FBXL4: variants seen among roughly 807,000 people sequenced by gnomAD.
FBXL4 encodes F-box and leucine rich repeat protein 4.
In FBXL4, 40 loss-of-function variants were observed where a neutral mutation model predicts 58.9. The ratio of observed to expected loss-of-function variants is 0.68; its 90% CI spans 0.53 to 0.88. FBXL4 has a LOEUF of 0.88. FBXL4 is among the 40% of genes least tolerant of loss of function. The probability of loss-of-function intolerance (pLI) is 0.00; values close to 1 mark genes in which losing one functional copy is unlikely to be tolerated. For synonymous variants in FBXL4, 263 were observed against 265.5 expected, an observed-to-expected ratio of 0.99 and a Z score of 0.09; for missense variants, 676 against 734.4, an observed-to-expected ratio of 0.92 and a Z score of 0.92.
At chr6:98,890,007 A>C (rs1287032139) in intron 7 of FBXL4, among the ~76,000 whole-genome samples, 1 of 152,182 alleles carries the variant, frequency 6.6e-6, no homozygotes, top group Non-Finnish European at 1.5e-5. Flanking sequence ...GATAGTCCAG[A>C]TTTATAGCTT....
chr6:98,913,283 C>A (rs559104736), intron 5 of FBXL4, among the ~76,000 whole-genome samples: 1 of 151,896 alleles, frequency 6.6e-6, no homozygotes, highest in African/African-American at 2.4e-5. Context: ...AGAAAGTTAA[C>A]AAGGATACCC....
At chr6:98,877,302 G>A (rs1250599341) in intron 8 of FBXL4, among the ~76,000 whole-genome samples, 15 of 152,000 alleles carry the variant, frequency 9.9e-5, no homozygotes, top group Admixed American at 9.8e-4. Context: ...GATAATTAGG[G>A]CAGCCAATTA....
At chr6:98,908,575 C>T (rs1185096936) in intron 5 of FBXL4, among the ~76,000 whole-genome samples, 1 of 152,018 alleles carries the variant, frequency 6.6e-6, no homozygotes, top group Non-Finnish European at 1.5e-5. Context: ...TGGAGAATTG[C>T]CATTCACAAT....
intron 2 of FBXL4, among the ~76,000 whole-genome samples, chr6:98,931,778 G>C (rs1041146842): frequency 2.0e-5 from 3 of 152,206 alleles, no homozygotes; most frequent in Admixed American, 6.5e-5. Flanking sequence ...AGAACATATG[G>C]AGAAGAAAGG....
In FBXL4 at chr6:98,917,474, T is replaced by A; in HGVS notation, c.758A>T (p.Glu253Val). The A allele has an allele frequency of 6.2e-7, 1 of 1,614,100 alleles. No homozygotes were observed. The highest frequency in any genetic ancestry group is 1.7e-5 in the Admixed American group (1 of 60,014). The change falls in exon 5 of 10, where the codon GAA (glutamate) becomes GTA (valine). Residue 253 changes from glutamate to valine, a missense_variant. Coordinates refer to ENST00000369244, the MANE Select transcript of FBXL4 (RefSeq NM_001278716.2). ...MNDIEDDAYA[E>V]KDGCGMDSLN... ...ACTGTCCATTCCACAACCATCCTTT[T>A]CTGCATAGGCATCATCTTCTATATC...
intron 4 of FBXL4, among the ~76,000 whole-genome samples, chr6:98,917,994 GAAC>G (rs899583387): frequency 6.6e-6 from 1 of 152,084 alleles, no homozygotes; most frequent in Non-Finnish European, 1.5e-5. Context: ...AGAGGTATCT[GAAC>G]AACATTACAG....
intron 5 of FBXL4, among the ~76,000 whole-genome samples, chr6:98,908,329 A>G (rs1469839410): frequency 6.6e-6 from 1 of 152,190 alleles, no homozygotes; most frequent in Non-Finnish European, 1.5e-5. Context: ...TTTCTCATTT[A>G]ATGATATATC....
At chr6:98,919,661 T>C (rs1772503325) in intron 4 of FBXL4, among the ~76,000 whole-genome samples, 1 of 152,190 alleles carries the variant, frequency 6.6e-6, no homozygotes, top group South Asian at 2.1e-4. Context: ...AGGAATTGAT[T>C]TGAATACTCT....
chr6:98,929,403 C>T (rs1275484715), intron 2 of FBXL4, among the ~76,000 whole-genome samples: 2 of 151,844 alleles, frequency 1.3e-5, no homozygotes, highest in African/African-American at 4.8e-5. Flanking sequence ...GAAACCCCGT[C>T]TCTACTAAAA....
At chr6:98,912,629 G>A (rs138129388) in intron 5 of FBXL4, among the ~76,000 whole-genome samples, 1 of 151,764 alleles carries the variant, frequency 6.6e-6, no homozygotes, top group African/African-American at 2.4e-5. Context: ...CAAATGCTGA[G>A]AGATTTTGTC....
rs1274744599 is a variant in FBXL4 at position 98,885,135 on chromosome 6, C to T, written c.1318-4511G>A. On this transcript the variant is annotated intron_variant, in intron 7 of 9. Transcript: ENST00000369244. Reference sequence around the variant, plus strand: ...TTTGTTTGTTTTTGAGATGGAGTCTCACTCTGTCCCCATGCTTGAGTGTAG... The same window carrying T: ...TTTGTTTGTTTTTGAGATGGAGTCTTACTCTGTCCCCATGCTTGAGTGTAG... 7.9e-5 allele frequency among the ~76,000 whole-genome samples: 12 copies of T among 152,170 alleles called. No homozygotes were observed. In the South Asian group the frequency reaches 2.3e-3, roughly 29 times the overall value.
intron 4 of FBXL4, among the ~76,000 whole-genome samples, chr6:98,921,287 G>A (rs1038823916): frequency 6.6e-6 from 1 of 152,046 alleles, no homozygotes; most frequent in East Asian, 1.9e-4. Context: ...GAGAGGAAGA[G>A]AGATGTTTCA....
At chr6:98,900,420 A>G (rs1166199001) in intron 6 of FBXL4, among the ~76,000 whole-genome samples, 3 of 152,218 alleles carry the variant, frequency 2.0e-5, no homozygotes, top group East Asian at 3.8e-4. Flanking sequence ...ATACACATAC[A>G]AAGTAAAATT....
chr6:98,871,172 C>T lies in FBXL4; in HGVS notation c.*3106G>A, dbSNP rs1215189346. On this transcript the variant is annotated 3_prime_UTR_variant, in exon 10 of 10. Transcript: ENST00000369244. ...CCAAGCAAGGAAAACATTTTACTAA[C>T]GATAACTAAATTGTGTTTGATTCTA... is the stretch of plus-strand genomic sequence containing the variant. 3.3e-5 allele frequency: 5 copies of T among 151,724 alleles called. No homozygotes were observed. The highest frequency in any genetic ancestry group is 9.7e-5 in the African/African-American group (4 of 41,270). 9.4% of individuals were successfully genotyped at this position (151,724 alleles called of 1,614,324 possible).
intron 1 of FBXL4, among the ~76,000 whole-genome samples, chr6:98,938,041 C>CTTTT (rs71015480): frequency 0.057 from 6,913 of 120,780 alleles, 397 homozygotes; most frequent in Non-Finnish European, 0.092. Flanking sequence ...CCCCTGCACC[C>CTTTT]TTTTTTTTTT....
At position 98,926,528 on chromosome 6, in the gene FBXL4, A is replaced by G; in HGVS notation, c.461T>C (p.Ile154Thr). 1 of 1,613,824 alleles carries G rather than the reference A, an allele frequency of 6.2e-7. No homozygotes were observed. Among genetic ancestry groups the G allele is most frequent in the Non-Finnish European group, 8.5e-7 (1 of 1,179,860 alleles). Residue 154 changes from isoleucine to threonine, a missense_variant, in exon 4 of 10, where the codon ATT becomes ACT. By Grantham distance (89) the Ile-to-Thr change is moderately conservative. Transcript: ENST00000369244. ...ETYHPGAVIR[I>T]LACSANPYSP... ...ATAAGGATTTGCAGAACAAGCGAGA[A>G]TTCTAATGACTGCTCCGGGATGATA...
intron 1 of FBXL4, among the ~76,000 whole-genome samples, chr6:98,936,062 A>G (rs1562251008): frequency 6.6e-6 from 1 of 152,244 alleles, no homozygotes; most frequent in Admixed American, 6.5e-5. Flanking sequence ...CTAGAAAAAA[A>G]TATAGTGGAT....
At chr6:98,886,280 G>A (rs2128382439) in intron 7 of FBXL4, among the ~76,000 whole-genome samples, 1 of 152,262 alleles carries the variant, frequency 6.6e-6, no homozygotes, top group East Asian at 1.9e-4. Context: ...TGCCTTAGGA[G>A]TAAATGAGAG....
At chr6:98,925,957 T>C (rs1433949274) in intron 4 of FBXL4, among the ~76,000 whole-genome samples, 2 of 152,160 alleles carry the variant, frequency 1.3e-5, no homozygotes, top group Admixed American at 6.5e-5. Context: ...GGAGCTGTTA[T>C]GCAAAACAGG....
Sources: allele counts gnomAD v4.1 joint callset (sites outside exome capture counted in the v4.1 genomes callset), GRCh38; gene constraint gnomAD v4.1.1; transcripts MANE v1.5; gene names NCBI Gene and HGNC (gene_info 2026-07-23, HGNC 2026-07-21).